The following CARMIL2 variants were observed in gnomAD, a reference collection of about 807,000 sequenced individuals.
The protein encoded by CARMIL2 is capping protein regulator and myosin 1 linker 2, also known as capping protein, Arp2/3 and myosin-I linker protein 2.
In CARMIL2, 96 loss-of-function variants were observed where a neutral mutation model predicts 173.3. That is an observed-to-expected ratio of 0.55 (90% CI 0.47 to 0.66). The LOEUF is 0.66. Ranked by LOEUF, CARMIL2 falls within the 30% of genes least tolerant of loss-of-function variation. CARMIL2 has a pLI of 0.00. For synonymous variants in CARMIL2, 830 were observed against 817.1 expected (o/e 1.02, Z -0.27); for missense variants, 1,771 against 1,906.7 (o/e 0.93, Z 1.33).
chr16:67,653,128 G>GC lies in CARMIL2; in HGVS notation c.2999dup (p.Ala1001GlyfsTer84). 1 of 1,119,736 alleles carries GC rather than the reference G, an allele frequency of 8.9e-7. No homozygotes were observed. Among genetic ancestry groups the GC allele is most frequent in the Non-Finnish European group, 1.1e-6 (1 of 915,460 alleles). 69.4% of individuals were successfully genotyped at this position (1,119,736 alleles called of 1,614,324 possible). ...GCTCTCCGAGCCCTGCCGCCCCTGGGCCCCCGGCCGGCCCGCTGCCCCGCA... is the reference window on the plus strand; with the variant it reads ...GCTCTCCGAGCCCTGCCGCCCCTGGGCCCCCCGGCCGGCCCGCTGCCCCGCA... On this transcript the variant is annotated frameshift_variant, in exon 29 of 38. Coordinates refer to ENST00000334583, the MANE Select transcript of CARMIL2 (RefSeq NM_001013838.3). LOFTEE classifies it high-confidence loss of function. This position sits in a 1 kb window ranked among gnomAD's most constrained non-coding sequence, Gnocchi z 7.4.
chr16:67,649,663 G>A lies in CARMIL2; in HGVS notation c.1919+44G>A, dbSNP rs769526049. 1 of 1,560,152 alleles carries A rather than the reference G, an allele frequency of 6.4e-7. No individual in the cohort carries two copies. The highest frequency in any genetic ancestry group is 8.6e-7 in the Non-Finnish European group (1 of 1,156,934). On this transcript the variant is annotated intron_variant, in intron 20 of 37. Transcript: ENST00000334583. The surrounding 1 kb of genome is among the most constrained non-coding windows in gnomAD (Gnocchi z 6.7). ...GTGGGACCAGCGGGCAGGGGGCGCG[G>A]TGGAGAGGAGGGCACCGGGCTAAGG... is the stretch of plus-strand genomic sequence containing the variant.
Position 67,648,695 on chromosome 16 carries a change from G to A in CARMIL2, c.1450G>A (p.Asp484Asn). 1 of 1,606,370 alleles carries A rather than the reference G, an allele frequency of 6.2e-7. No individual in the cohort carries two copies. Among genetic ancestry groups the A allele is most frequent in the Admixed American group, 1.7e-5 (1 of 59,102 alleles). ...LPPDALRALL[D>N]GLALNTHLRD... ...AACGTCCTCTCCCAGAGCCCTTTTGGATGGCCTCGCGCTCAACACGCACCT... is the reference window on the plus strand; with the variant it reads ...AACGTCCTCTCCCAGAGCCCTTTTGAATGGCCTCGCGCTCAACACGCACCT... The change falls in exon 16 of 38, where the codon GAT (aspartate) becomes AAT (asparagine). Residue 484 changes from aspartate (D) to asparagine (N), a missense_variant. By Grantham distance (23) the Asp-to-Asn change is conservative. Transcript: ENST00000334583. This position sits in a 1 kb window ranked among gnomAD's most constrained non-coding sequence, Gnocchi z 6.1.
Position 67,657,049 on chromosome 16 carries a change from C to A in CARMIL2, c.4117+168C>A. The A allele has an allele frequency of 1.3e-6, 1 of 754,970 alleles. No individual in the cohort carries two copies. The highest frequency in any genetic ancestry group is 2.2e-6 in the Non-Finnish European group (1 of 461,666). The allele number at this position is 754,970 out of a possible 1,614,324, so 46.8% of individuals were successfully genotyped here. ...GCAAGGGTTTGACAGCAAGCCCTTC[C>A]AACTAGCACTGGCTCCACTTCCCGA... is the stretch of plus-strand genomic sequence containing the variant. On this transcript the variant is annotated intron_variant, in intron 36 of 37. Coordinates refer to ENST00000334583, the MANE Select transcript of CARMIL2 (RefSeq NM_001013838.3). The surrounding 1 kb of genome is among the most constrained non-coding windows in gnomAD (Gnocchi z 4.5).
Position 67,652,301 on chromosome 16 carries a change from C to A in CARMIL2, c.2779C>A (p.Leu927Ile). The A allele has an allele frequency of 6.2e-7, 1 of 1,613,232 alleles. No homozygotes were observed. The highest frequency in any genetic ancestry group is 8.5e-7 in the Non-Finnish European group (1 of 1,179,820). The change falls in exon 27 of 38, where the codon CTT becomes ATT. Residue 927 changes from leucine (L) to isoleucine (I), a missense_variant. By Grantham distance (5) the Leu-to-Ile change is conservative. Coordinates refer to ENST00000334583, the MANE Select transcript of CARMIL2 (RefSeq NM_001013838.3). This position sits in a 1 kb window ranked among gnomAD's most constrained non-coding sequence, Gnocchi z 4.7. ...CCTTGAGCCTGGGGAATTGGAAGGT[C>A]TTTTCTTCCCCGAGGAGAAGGAAGA... is the stretch of plus-strand genomic sequence containing the variant. ...SLLEPGELEG[L>I]FFPEEKEEEK...
Position 67,656,608 on chromosome 16 carries a change from C to A in CARMIL2, c.3999C>A (p.Gly1333=), listed in dbSNP as rs766014659. ...CCAGCCCCTCCCCAGACAGCCTGGGCCTCCCAGAGGACCCTTGCTTGGGCC... is the reference window on the plus strand; with the variant it reads ...CCAGCCCCTCCCCAGACAGCCTGGGACTCCCAGAGGACCCTTGCTTGGGCC... ...CRTSPSPDSL[G]LPEDPCLGPR... Residue 1333 remains glycine (G), a synonymous_variant, in exon 35 of 38, where the codon GGC becomes GGA. Coordinates refer to ENST00000334583, the MANE Select transcript of CARMIL2 (RefSeq NM_001013838.3). 1 of 1,607,146 alleles carries A rather than the reference C, an allele frequency of 6.2e-7. No homozygotes were observed. Among genetic ancestry groups the A allele is most frequent in the Admixed American group, 1.7e-5 (1 of 59,058 alleles).
At position 67,648,494 on chromosome 16, in the gene CARMIL2, C is replaced by A; in HGVS notation, c.1431C>A (p.Asp477Glu). 4 of 1,439,662 alleles carry A rather than the reference C, an allele frequency of 2.8e-6. No homozygotes were observed. The highest frequency in any genetic ancestry group is 2.7e-6 in the Non-Finnish European group (3 of 1,102,574). The allele number at this position is 1,439,662 out of a possible 1,614,324, so 89.2% of individuals were successfully genotyped here. Residue 477 changes from aspartate (D) to glutamate (E), a missense_variant, in exon 15 of 38, where the codon GAC (aspartate) becomes GAA (glutamate). Asp to Glu is a conservative substitution (Grantham distance 45). This residue lies in a region of CARMIL2 where 944 missense variants were observed against 975.6 expected (regional missense o/e 0.97). Coordinates refer to ENST00000334583, the MANE Select transcript of CARMIL2 (RefSeq NM_001013838.3). The surrounding 1 kb of genome is among the most constrained non-coding windows in gnomAD (Gnocchi z 6.1). ...LGLAGCKLPP[D>E]ALRALLDGLA... ...TGGCGGGCTGCAAGCTGCCGCCCGACGCGCTCAGGTCAGTGTCGGACCCCG... is the reference window on the plus strand; with the variant it reads ...TGGCGGGCTGCAAGCTGCCGCCCGAAGCGCTCAGGTCAGTGTCGGACCCCG...
In CARMIL2 at chr16:67,650,522, C is replaced by T. The variant is rs2052704216; in HGVS notation, c.2184+372C>T. On this transcript the variant is annotated intron_variant, in intron 22 of 37. Coordinates refer to ENST00000334583, the MANE Select transcript of CARMIL2 (RefSeq NM_001013838.3). ...TCACTGTCTTCATCTCCCTCCACTA[C>T]CTTATCTGTTGGAGATGTTTCTACC... 5 of 290,584 alleles carry T rather than the reference C, an allele frequency of 1.7e-5. No homozygotes were observed. In the South Asian group the frequency reaches 2.6e-4, roughly 15 times the overall value. 18.0% of individuals were successfully genotyped at this position (290,584 alleles called of 1,614,324 possible).
intron 22 of CARMIL2, chr16:67,650,389 AT>A (rs2052701647): frequency 3.5e-6 from 2 of 564,498 alleles, no homozygotes; most frequent in Admixed American, 6.4e-5. Flanking sequence ...TTAGAGAGGA[AT>A]TTTTATGTCC....
rs1226249091 is a variant in CARMIL2, at chr16:67,651,377, C to T, written c.2314-24C>T. On this transcript the variant is annotated intron_variant, in intron 23 of 37. Coordinates refer to ENST00000334583, the MANE Select transcript of CARMIL2 (RefSeq NM_001013838.3). This position sits in a 1 kb window ranked among gnomAD's most constrained non-coding sequence, Gnocchi z 4.2. ...CTCTTAGTCAGGTGTCAGCTCGCAACTGCTTTTCCTCTTTGGCCCTCAGAT... is the reference window on the plus strand; with the variant it reads ...CTCTTAGTCAGGTGTCAGCTCGCAATTGCTTTTCCTCTTTGGCCCTCAGAT... The T allele has an allele frequency of 3.1e-6, 5 of 1,599,300 alleles. No homozygotes were observed. Among genetic ancestry groups the T allele is most frequent in the Non-Finnish European group, 4.3e-6 (5 of 1,169,898 alleles).
In CARMIL2 at chr16:67,645,198, C is replaced by G; in HGVS notation, c.-49C>G. 6.7e-7 allele frequency: 1 copy of G among 1,497,594 alleles called. No homozygotes were observed. The highest frequency in any genetic ancestry group is 2.4e-5 in the East Asian group (1 of 40,956). The allele number at this position is 1,497,594 out of a possible 1,614,324, so 92.8% of individuals were successfully genotyped here. On this transcript the variant is annotated 5_prime_UTR_variant, in exon 1 of 38. Transcript: ENST00000334583. ...GGCTTCCTGTGTGCGCGCTCGTCCT[C>G]TGCTGTTTCCCGCCGGAGCTCGTTG...
chr16:67,649,936 C>G lies in CARMIL2; in HGVS notation c.2050C>G (p.Arg684Gly). 1 of 1,613,276 alleles carries G rather than the reference C, an allele frequency of 6.2e-7. No homozygotes were observed. The highest frequency in any genetic ancestry group is 8.5e-7 in the Non-Finnish European group (1 of 1,179,828). Reference sequence around the variant, plus strand: ...CGACGTGGCCCAGGCGCAGCGCAGCCGCCCGGAACTGACAGCACGTGCAGT... The same window carrying G: ...CGACGTGGCCCAGGCGCAGCGCAGCGGCCCGGAACTGACAGCACGTGCAGT... ...LNDVAQAQRSRPELTARAVHQ... is the reference protein window; with the variant it reads ...LNDVAQAQRSGPELTARAVHQ... The change falls in exon 21 of 38, where the codon CGC becomes GGC. Residue 684 changes from arginine to glycine, a missense_variant. Physicochemically the swap from Arg to Gly is moderately radical, Grantham distance 125. Around this residue, in one of 3 missense-constraint regions of CARMIL2, gnomAD observed 944 missense variants for 975.6 expected, o/e 0.97. Transcript: ENST00000334583. This position sits in a 1 kb window ranked among gnomAD's most constrained non-coding sequence, Gnocchi z 6.7.
Position 67,652,784 on chromosome 16 carries a change from A to AC in CARMIL2, c.2885-231dup, listed in dbSNP as rs1304666906. 6.6e-6 allele frequency among the ~76,000 whole-genome samples: 1 copy of AC among 150,938 alleles called. No individual in the cohort carries two copies. The highest frequency in any genetic ancestry group is 1.5e-5 in the Non-Finnish European group (1 of 67,638). On this transcript the variant is annotated intron_variant, in intron 28 of 37. Coordinates refer to ENST00000334583, the MANE Select transcript of CARMIL2 (RefSeq NM_001013838.3). This position sits in a 1 kb window ranked among gnomAD's most constrained non-coding sequence, Gnocchi z 4.7. The stretch of plus-strand genomic sequence containing the variant: ...CTCGCCTCCCCGCGCCCCTTTCCCT[A>AC]CCCCAGGGACGCGCATGCTGGGCGG...
At position 67,648,309 on chromosome 16, in the gene CARMIL2, CCGCACGTAA is replaced by C; in HGVS notation, c.1330_1334+4del. On this transcript the variant is annotated splice_donor_variant and splice_donor_region_variant and coding_sequence_variant and intron_variant, in exon 14 of 38. Transcript: ENST00000334583. LOFTEE classifies it high-confidence loss of function. This position sits in a 1 kb window ranked among gnomAD's most constrained non-coding sequence, Gnocchi z 6.1. ...TCGACGCTTCGAGGAACGTCTTCTC[CCGCACGTAA>C]GGGGGACCTGTCGGGGCCGGGGGAG... 1 of 1,589,026 alleles carries C rather than the reference CCGCACGTAA, an allele frequency of 6.3e-7. No individual in the cohort carries two copies. Among genetic ancestry groups the C allele is most frequent in the Non-Finnish European group, 8.5e-7 (1 of 1,175,282 alleles).
At chr16:67,655,706 G>A (rs2052832475) in intron 32 of CARMIL2, among the ~76,000 whole-genome samples, 1 of 152,116 alleles carries the variant, frequency 6.6e-6, no homozygotes, top group Non-Finnish European at 1.5e-5. Flanking sequence ...TCCCTGCAGT[G>A]CCCATGGTTC....
In CARMIL2 at chr16:67,652,528, C is replaced by G; in HGVS notation, c.2874C>G (p.Pro958=). The G allele has an allele frequency of 6.2e-7, 1 of 1,613,508 alleles. No individual in the cohort carries two copies. Residue 958 remains proline, a synonymous_variant, in exon 28 of 38, where the codon CCC becomes CCG. Transcript: ENST00000334583. The surrounding 1 kb of genome is among the most constrained non-coding windows in gnomAD (Gnocchi z 4.7). ...TCAGCCACGGTCTTCACCTGGTCCC[C>G]TTCATTCACAGTAAGTCAGGGCCTT... ...PELSHGLHLV[P]FIHSAAEEAE...
chr16:67,652,564 G>T lies in CARMIL2; in HGVS notation c.2884+26G>T, dbSNP rs768438300. 5 of 1,605,252 alleles carry T rather than the reference G, an allele frequency of 3.1e-6. No homozygotes were observed. The highest frequency in any genetic ancestry group is 8.5e-7 in the Non-Finnish European group (1 of 1,173,236). On this transcript the variant is annotated intron_variant, in intron 28 of 37. Coordinates refer to ENST00000334583, the MANE Select transcript of CARMIL2 (RefSeq NM_001013838.3). This position sits in a 1 kb window ranked among gnomAD's most constrained non-coding sequence, Gnocchi z 4.7. ...GTAAGTCAGGGCCTTGGGGGAGGGA[G>T]TTTACGTGGGTGGGCTGAAGCTCCA...
At position 67,654,452 on chromosome 16, in the gene CARMIL2, G is replaced by C. The variant is rs752574484; in HGVS notation, c.3342G>C (p.Arg1114=). ...AGCCTCGTTCAACGCGGGGTCCACG[G>C]ACTGATCTAGAGACCAGCCCTGGGG... is the stretch of plus-strand genomic sequence containing the variant. ...FKKPRSTRGP[R]TDLETSPGAA... Residue 1114 remains arginine, a synonymous_variant, in exon 31 of 38, where the codon CGG becomes CGC. Coordinates refer to ENST00000334583, the MANE Select transcript of CARMIL2 (RefSeq NM_001013838.3). 6.2e-7 allele frequency: 1 copy of C among 1,613,080 alleles called. No individual in the cohort carries two copies. Among genetic ancestry groups the C allele is most frequent in the East Asian group, 2.2e-5 (1 of 44,876 alleles).
At position 67,652,161 on chromosome 16, in the gene CARMIL2, A is replaced by G. The variant is rs374567151; in HGVS notation, c.2677-38A>G. 5.2e-5 allele frequency: 83 copies of G among 1,606,188 alleles called. No homozygotes were observed. The highest frequency in any genetic ancestry group is 7.1e-5 in the Non-Finnish European group (83 of 1,176,894). ...GTTAGCATCAATGGGATCATGGCTG[A>G]GGCCCTACCTGCCATCTTTGGCTGC... On this transcript the variant is annotated intron_variant, in intron 26 of 37. Coordinates refer to ENST00000334583, the MANE Select transcript of CARMIL2 (RefSeq NM_001013838.3). This position sits in a 1 kb window ranked among gnomAD's most constrained non-coding sequence, Gnocchi z 4.7.
Position 67,654,428 on chromosome 16 carries a change from G to A in CARMIL2, c.3318G>A (p.Lys1106=), listed in dbSNP as rs2052794740. The change falls in exon 31 of 38, where the codon AAG becomes AAA. Residue 1106 remains lysine, a synonymous_variant. Transcript: ENST00000334583. The part of the protein sequence containing the change: ...KKLGTLFAFK[K]PRSTRGPRTD... ...TGGGCACCCTCTTTGCCTTCAAGAA[G>A]CCTCGTTCAACGCGGGGTCCACGGA... 1.9e-6 allele frequency: 3 copies of A among 1,612,002 alleles called. No individual in the cohort carries two copies. In the South Asian group the frequency reaches 3.3e-5, roughly 18 times the overall value.
Sources: gnomAD v4.1 joint callset for allele counts (sites outside exome capture counted in the v4.1 genomes callset) on GRCh38, gnomAD v4.1.1 for gene constraint, gnomAD v4.1.1 regional missense constraint, Gnocchi (gnomAD v3.1) non-coding constraint, MANE v1.5 for transcripts, NCBI Gene and HGNC (gene_info 2026-07-23, HGNC 2026-07-21) for gene names.